The following FAR1 variants were observed in gnomAD, a reference collection of about 807,000 sequenced individuals.
FAR1 encodes fatty acyl-CoA reductase 1, also known as male sterility domain-containing protein 2.
In FAR1, 22 loss-of-function variants were observed where a neutral mutation model predicts 61.1. The ratio of observed to expected loss-of-function variants is 0.36; its 90% CI spans 0.26 to 0.51. The LOEUF (loss-of-function observed/expected upper bound fraction) is 0.51, where lower values mean the gene tolerates loss of function less well. Ranked by LOEUF, FAR1 falls within the 20% of genes least tolerant of loss-of-function variation. FAR1 has a pLI of 0.95. For missense variants in FAR1, 359 were observed against 626.9 expected (o/e 0.57, Z 4.56); for synonymous variants, 206 against 209.7 (o/e 0.98, Z 0.15).
At chr11:13,722,923 T>C (rs1848627802) in intron 10 of FAR1, among the ~76,000 whole-genome samples, 1 of 151,870 alleles carries the variant, frequency 6.6e-6, no homozygotes, top group Non-Finnish European at 1.5e-5. Flanking sequence ...TCAGATTTTC[T>C]CCTTATGATC....
chr11:13,683,757 A>T (rs942308517), intron 1 of FAR1, among the ~76,000 whole-genome samples: 4 of 152,206 alleles, frequency 2.6e-5, no homozygotes, highest in African/African-American at 9.7e-5. Flanking sequence ...AAAAACACGT[A>T]AATGGGCTGG....
At chr11:13,702,374 T>A (rs889901279) in intron 3 of FAR1, among the ~76,000 whole-genome samples, 3 of 152,172 alleles carry the variant, frequency 2.0e-5, no homozygotes, top group Non-Finnish European at 4.4e-5. Context: ...TACAAATGAC[T>A]TTTAAAAATT....
chr11:13,715,924 G>C (rs1848550386), intron 9 of FAR1: 1 of 152,168 alleles, frequency 6.6e-6, no homozygotes, highest in African/African-American at 2.4e-5. Context: ...AGTGTATCAG[G>C]ATCTGAGTTC....
intron 10 of FAR1, among the ~76,000 whole-genome samples, chr11:13,726,886 AT>A (rs992334303): frequency 2.0e-5 from 3 of 151,902 alleles, no homozygotes; most frequent in African/African-American, 7.2e-5. Flanking sequence ...AGAATTGGCT[AT>A]TTTTAGATAA....
chr11:13,704,268 T>C (rs1848410442), intron 3 of FAR1, among the ~76,000 whole-genome samples: 1 of 151,964 alleles, frequency 6.6e-6, no homozygotes, highest in African/African-American at 2.4e-5. Flanking sequence ...GAGAGATGGA[T>C]GGACAGATGG....
chr11:13,712,930 T>A, intron 7 of FAR1, 36 bp from the exon 8 acceptor site: 1 of 1,582,026 alleles, frequency 6.3e-7, no homozygotes, highest in Non-Finnish European at 8.7e-7. Flanking sequence ...TTTGGCCTCT[T>A]ATTATGATTA....
chr11:13,713,823 G>A (rs1454114410), intron 8 of FAR1, among the ~76,000 whole-genome samples: 1 of 151,966 alleles, frequency 6.6e-6, no homozygotes, highest in Non-Finnish European at 1.5e-5. Context: ...AAAATCTAAG[G>A]TGATTTTAAC....
At chr11:13,679,719 T>C (rs1478018205) in intron 1 of FAR1, among the ~76,000 whole-genome samples, 1 of 152,256 alleles carries the variant, frequency 6.6e-6, no homozygotes, top group Non-Finnish European at 1.5e-5. Flanking sequence ...AATTTGACTT[T>C]TTAAAGGTGT....
intron 1 of FAR1, among the ~76,000 whole-genome samples, chr11:13,670,482 G>A (rs1048165700): frequency 5.3e-5 from 8 of 152,028 alleles, no homozygotes; most frequent in African/African-American, 1.9e-4. Context: ...AGTAGAGGCG[G>A]GGTTTCACCA....
At chr11:13,714,453 T>TC in intron 8 of FAR1, 56 bp from the exon 9 acceptor site, 1 of 1,453,430 alleles carries the variant, frequency 6.9e-7, no homozygotes, top group Non-Finnish European at 9.3e-7. Context: ...TTTTTTTTTT[T>TC]CAAAACTTCA....
At chr11:13,690,801 G>A (rs1163604193) in intron 1 of FAR1, among the ~76,000 whole-genome samples, 1 of 152,084 alleles carries the variant, frequency 6.6e-6, no homozygotes, top group Non-Finnish European at 1.5e-5. Flanking sequence ...TTGACTTTAA[G>A]GATGGTAAAT....
chr11:13,703,604 AG>A (rs1565346556), intron 3 of FAR1, among the ~76,000 whole-genome samples: 1 of 152,232 alleles, frequency 6.6e-6, no homozygotes, highest in African/African-American at 2.4e-5. Flanking sequence ...ATAGAAAATA[AG>A]GATGTATTAA....
At chr11:13,679,490 G>A (rs1323322012) in intron 1 of FAR1, among the ~76,000 whole-genome samples, 1 of 151,722 alleles carries the variant, frequency 6.6e-6, no homozygotes, top group South Asian at 2.1e-4. Context: ...GTTATTTTGG[G>A]TGCTTCTTCC....
In FAR1 at chr11:13,722,858, C is replaced by CTA. The variant is rs71041542; in HGVS notation, c.1257+1018_1257+1019dup. The stretch of plus-strand genomic sequence containing the variant: ...TAGATTTCTCCCTCTCTCTCTCTCT[C>CTA]TATATATATATATATATATAAAATA... On this transcript the variant is annotated intron_variant, in intron 10 of 11. Coordinates refer to ENST00000354817, the MANE Select transcript of FAR1 (RefSeq NM_032228.6). Among the ~76,000 whole-genome samples the CTA allele has an allele frequency of 1.1e-3, 161 of 147,864 alleles. 2 individuals are homozygous for CTA. The East Asian group carries it at 0.012, about 11-fold the overall frequency.
At position 13,708,447 on chromosome 11, in the gene FAR1, G is replaced by GCGCGCACA. The variant is rs139902063; in HGVS notation, c.545+369_545+370insGCGCACAC. Among the ~76,000 whole-genome samples, 492 of 136,714 alleles carry GCGCGCACA rather than the reference G, an allele frequency of 3.6e-3. 1 individual carries two copies. Among genetic ancestry groups the GCGCGCACA allele is most frequent in the African/African-American group, 7.0e-3 (255 of 36,224 alleles). The allele number at this position is 136,714 out of a possible 152,430, so 89.7% of individuals were successfully genotyped here. A position where few individuals can be genotyped will look rare whatever the true frequency, so the allele number is the denominator to read the frequency against. ...CCCATATACATGTGCGCGCGCGCGC[G>GCGCGCACA]CACACACACACACACACACACACAC... On this transcript the variant is annotated intron_variant, in intron 4 of 11. Coordinates refer to ENST00000354817, the MANE Select transcript of FAR1 (RefSeq NM_032228.6).
In FAR1 at chr11:13,729,309, T is replaced by C. The variant is rs1361506577; in HGVS notation, c.*535T>C. 6.6e-6 allele frequency: 1 copy of C among 152,046 alleles called. No individual in the cohort carries two copies. The highest frequency in any genetic ancestry group is 6.6e-5 in the Admixed American group (1 of 15,200). The allele number at this position is 152,046 out of a possible 1,614,324, so 9.4% of individuals were successfully genotyped here. A position where few individuals can be genotyped will look rare whatever the true frequency, so the allele number is the denominator to read the frequency against. ...ACATCATTCTGTAAGTTAAATGATA[T>C]CAAACATGAAAGAGATGTTCTCATT... On this transcript the variant is annotated 3_prime_UTR_variant, in exon 12 of 12. Transcript: ENST00000354817.
intron 1 of FAR1, among the ~76,000 whole-genome samples, chr11:13,681,320 G>A (rs1310938009): frequency 1.3e-5 from 2 of 152,190 alleles, no homozygotes; most frequent in South Asian, 2.1e-4. Flanking sequence ...GTGGTTGACA[G>A]TCTCAAGAGT....
chr11:13,700,538 T>TA (rs764500988), intron 3 of FAR1, 46 bp downstream of exon 3: 32 of 1,179,152 alleles, frequency 2.7e-5, no homozygotes, highest in Non-Finnish European at 3.3e-5. Context: ...GTATAGTTAT[T>TA]AAAAAATCTC....
chr11:13,692,883 TCTA>T (rs1848266056), intron 1 of FAR1, among the ~76,000 whole-genome samples: 1 of 152,202 alleles, frequency 6.6e-6, no homozygotes, highest in Admixed American at 6.5e-5. Context: ...CCTTTGTAGT[TCTA>T]TTGCTTTTCA....
Sources: allele counts gnomAD v4.1 joint callset (sites outside exome capture counted in the v4.1 genomes callset), GRCh38; gene constraint gnomAD v4.1.1; transcripts MANE v1.5; gene names NCBI Gene and HGNC (gene_info 2026-07-23, HGNC 2026-07-21).